RGS17: variants seen among roughly 807,000 people sequenced by gnomAD.
RGS17 encodes the protein regulator of G protein signaling 17.
In RGS17, 12 loss-of-function variants were observed where a neutral mutation model predicts 25.5. The observed-to-expected ratio is 0.47, with a 90% confidence interval of 0.30 to 0.76. RGS17 has a LOEUF of 0.76. Among genes scored for constraint, RGS17 ranks in the 30% least tolerant of loss-of-function variants. RGS17 has a pLI of 0.07. For synonymous variants in RGS17, 71 were observed against 76.9 expected (o/e 0.92, Z 0.40); for missense variants, 196 against 242.2 (o/e 0.81, Z 1.27).
At position 153,010,883 on chromosome 6, in the gene RGS17, C is replaced by CTTTTTTT. The variant is rs367841076; in HGVS notation, c.*684_*690dup. 104 of 137,954 alleles carry CTTTTTTT rather than the reference C, an allele frequency of 7.5e-4. No homozygotes were observed. Among genetic ancestry groups the CTTTTTTT allele is most frequent in the African/African-American group, 1.4e-3 (53 of 37,996 alleles). The allele number at this position is 137,954 out of a possible 1,614,324, so 8.5% of individuals were successfully genotyped here. A position where few individuals can be genotyped will look rare whatever the true frequency, so the allele number is the denominator to read the frequency against. On this transcript the variant is annotated 3_prime_UTR_variant, in exon 5 of 5. Transcript: ENST00000206262. ...TGTTTTGTGCTTTTTTCCTTCTTCCCTTTTTTTTTTTTTTTGTTTTTTGCT... is the reference window on the plus strand; with the variant it reads ...TGTTTTGTGCTTTTTTCCTTCTTCCCTTTTTTTTTTTTTTTTTTTTTTGTTTTTTGCT...
chr6:153,053,566 C>A (rs1226542679), intron 1 of RGS17, among the ~76,000 whole-genome samples: 2 of 152,032 alleles, frequency 1.3e-5, no homozygotes, highest in Non-Finnish European at 2.9e-5. Context: ...TTGGGAGGAC[C>A]ACTTGAGGCC....
At chr6:153,048,791 G>A (rs989909731) in intron 1 of RGS17, among the ~76,000 whole-genome samples, 1 of 152,126 alleles carries the variant, frequency 6.6e-6, no homozygotes, top group African/African-American at 2.4e-5. Flanking sequence ...TCCCCAGTAT[G>A]AGCTGTTACC....
intron 1 of RGS17, among the ~76,000 whole-genome samples, chr6:153,058,319 T>G (rs1933261): frequency 0.37 from 56,878 of 151,990 alleles, 11,182 homozygotes; most frequent in East Asian, 0.62. Context: ...TATGGTGGGA[T>G]GTAAAGTTTT....
chr6:153,054,024 A>G (rs1401711807), intron 1 of RGS17, among the ~76,000 whole-genome samples: 1 of 44,516 alleles, frequency 2.2e-5, no homozygotes, highest in African/African-American at 1.0e-4. Flanking sequence ...ATATGTATAT[A>G]ATATATATAC....
At chr6:153,043,727 G>T (rs1292491847) in intron 2 of RGS17, among the ~76,000 whole-genome samples, 173 bp downstream of exon 2, 1 of 151,902 alleles carries the variant, frequency 6.6e-6, no homozygotes, top group East Asian at 1.9e-4. Context: ...TATATATTTT[G>T]TTTGTGAAAG....
At chr6:153,128,535 A>T (rs2119992) in intron 1 of RGS17, among the ~76,000 whole-genome samples, 73,333 of 151,948 alleles carry the variant, frequency 0.48, 18,439 homozygotes, top group East Asian at 0.85. Flanking sequence ...AAAAGGTAAA[A>T]TCTTTCTTAG....
In RGS17 at chr6:153,105,653, T is replaced by C. The variant is rs747913357; in HGVS notation, c.-26+25471A>G. On this transcript the variant is annotated intron_variant, in intron 1 of 4. Transcript: ENST00000206262. ...AGTATGTAAGGTGAAGTCTTCCAAG[T>C]GGATGAAGGCAGGTAAAACATCTCA... Among the ~76,000 whole-genome samples, 233 of 151,620 alleles carry C rather than the reference T, an allele frequency of 1.5e-3. 1 individual carries two copies. The Middle Eastern group carries it at 0.02, about 13-fold the overall frequency.
intron 1 of RGS17, among the ~76,000 whole-genome samples, chr6:153,123,986 G>T (rs1777672744): frequency 6.6e-6 from 1 of 152,156 alleles, no homozygotes; most frequent in Non-Finnish European, 1.5e-5. Context: ...TGATACTATG[G>T]TGGAGGTTGT....
intron 1 of RGS17, among the ~76,000 whole-genome samples, chr6:153,053,975 ATGTATATATGTATAT>A (rs1396538681): frequency 2.0e-5 from 1 of 50,566 alleles, no homozygotes; most frequent in Non-Finnish European, 3.1e-5. Context: ...ATACATATAT[ATGTATATATGTATAT>A]AATATATATA....
intron 1 of RGS17, among the ~76,000 whole-genome samples, chr6:153,051,879 T>A (rs1776465780): frequency 6.6e-6 from 1 of 152,222 alleles, no homozygotes; most frequent in Non-Finnish European, 1.5e-5. Flanking sequence ...AAGCATGGAC[T>A]GAATTAGCTA....
At chr6:153,029,434 A>C (rs1349677409) in intron 2 of RGS17, among the ~76,000 whole-genome samples, 2 of 152,186 alleles carry the variant, frequency 1.3e-5, no homozygotes, top group Non-Finnish European at 2.9e-5. Flanking sequence ...GTCCTGCTCC[A>C]AGTAGTGCAT....
chr6:153,125,083 C>A (rs185883507), intron 1 of RGS17, among the ~76,000 whole-genome samples: 1 of 152,164 alleles, frequency 6.6e-6, no homozygotes, highest in African/African-American at 2.4e-5. Flanking sequence ...TAAACACTCA[C>A]CTGCTCATTC....
intron 1 of RGS17, among the ~76,000 whole-genome samples, chr6:153,121,947 T>G (rs1777638424): frequency 6.6e-6 from 1 of 152,228 alleles, no homozygotes; most frequent in Non-Finnish European, 1.5e-5. Context: ...TCAATGAAAT[T>G]ACTGAATTAA....
rs1302985340 is a variant in RGS17, at chr6:153,054,407, T to C, written c.-25-10364A>G. 2.6e-5 allele frequency among the ~76,000 whole-genome samples: 4 copies of C among 151,552 alleles called. No homozygotes were observed. In the East Asian group the frequency reaches 7.8e-4, roughly 30 times the overall value. ...GGCTCATGCCTGAAATCCCGCACTT[T>C]GGGAGGTTGAGATGAGCAGATCACT... is the stretch of plus-strand genomic sequence containing the variant. On this transcript the variant is annotated intron_variant, in intron 1 of 4. Transcript: ENST00000206262.
At chr6:153,124,995 G>C (rs1259886802) in intron 1 of RGS17, among the ~76,000 whole-genome samples, 2 of 152,116 alleles carry the variant, frequency 1.3e-5, no homozygotes, top group East Asian at 3.9e-4. Context: ...TAGAGAAAGT[G>C]ACAACTTTCA....
intron 1 of RGS17, among the ~76,000 whole-genome samples, chr6:153,052,544 T>G (rs1401156731): frequency 1.3e-5 from 2 of 151,940 alleles, no homozygotes; most frequent in African/African-American, 4.8e-5. Flanking sequence ...CAACCTAATA[T>G]TTGGTTTTAC....
chr6:153,076,859 C>T (rs1366966323), intron 1 of RGS17, among the ~76,000 whole-genome samples: 1 of 152,078 alleles, frequency 6.6e-6, no homozygotes, highest in Non-Finnish European at 1.5e-5. Flanking sequence ...TCATTTTTCA[C>T]CAATAAAATA....
At chr6:153,013,297 C>T (rs1303153399) in intron 4 of RGS17, among the ~76,000 whole-genome samples, 1 of 152,086 alleles carries the variant, frequency 6.6e-6, no homozygotes, top group African/African-American at 2.4e-5. Context: ...TTTAGGAGGC[C>T]ATGAACCATG....
intron 1 of RGS17, among the ~76,000 whole-genome samples, chr6:153,047,714 C>T (rs1283809036): frequency 6.6e-6 from 1 of 152,142 alleles, no homozygotes; most frequent in Non-Finnish European, 1.5e-5. Context: ...CAGGCCCTCA[C>T]CAGACACCAA....
Sources: gnomAD v4.1 joint callset for allele counts (sites outside exome capture counted in the v4.1 genomes callset) on GRCh38, gnomAD v4.1.1 for gene constraint, MANE v1.5 for transcripts, NCBI Gene and HGNC (gene_info 2026-07-23, HGNC 2026-07-21) for gene names.